The following BID variants were observed in gnomAD, a reference collection of about 807,000 sequenced individuals.
BID encodes the protein BH3-interacting domain death agonist.
Under a neutral mutation model 17.4 loss-of-function variants are expected in BID, and 19 were observed. The ratio of observed to expected loss-of-function variants is 1.09; its 90% confidence interval spans 0.76 to 1.60. The LOEUF (loss-of-function observed/expected upper bound fraction) is 1.60. BID is among the 40% of genes most tolerant of loss of function. The pLI is 0.00. For synonymous variants in BID, 108 were observed against 102.8 expected, an observed-to-expected ratio of 1.05 and a Z score of -0.31; for missense variants, 226 against 256.0, an observed-to-expected ratio of 0.88 and a Z score of 0.80.
chr22:17,752,989 T>C (rs1272152782), intron 1 of BID, among the ~76,000 whole-genome samples: 14 of 67,528 alleles, frequency 2.1e-4, no homozygotes, highest in East Asian at 1.8e-3. Flanking sequence ...TTTTTTGAGA[T>C]GGAGTCTCGC....
At chr22:17,760,636 C>T (rs1031984765) in intron 1 of BID, among the ~76,000 whole-genome samples, 9 of 152,164 alleles carry the variant, frequency 5.9e-5, no homozygotes, top group African/African-American at 1.7e-4. Context: ...AGCAGCCCGT[C>T]GCACTCTGCA....
chr22:17,756,502 C>CTT (rs2061591577), intron 1 of BID, among the ~76,000 whole-genome samples: 3 of 138,994 alleles, frequency 2.2e-5, no homozygotes, highest in Middle Eastern at 3.3e-3. Flanking sequence ...CTTTCTCTCT[C>CTT]TCTTTCTGTC....
intron 1 of BID, among the ~76,000 whole-genome samples, chr22:17,768,882 A>G (rs1484005595): frequency 6.7e-6 from 1 of 149,142 alleles, no homozygotes; most frequent in Non-Finnish European, 1.5e-5. Context: ...CAAAAAAAAA[A>G]AAAAAAAAAA....
chr22:17,750,451 CG>C (rs1322051688), intron 1 of BID, among the ~76,000 whole-genome samples: 7 of 152,348 alleles, frequency 4.6e-5, no homozygotes, highest in East Asian at 3.9e-4. Context: ...ATCAGGGAAA[CG>C]GGGCCGTGGG....
chr22:17,742,000 A>C (rs1202289061), intron 3 of BID, among the ~76,000 whole-genome samples: 1 of 151,900 alleles, frequency 6.6e-6, no homozygotes, highest in African/African-American at 2.4e-5. Flanking sequence ...AAGCTTATCC[A>C]CCTTGCTTCA....
rs543299698 is a variant in BID at position 17,749,182 on chromosome 22, A to G, written c.12+923T>C. ...GCGCCCAGAGGCTGCAGAATTCGGC[A>G]GGAGGGAGGGGAGGAGGATGTGATG... On this transcript the variant is annotated intron_variant, in intron 2 of 5. Transcript: ENST00000622694. Among the ~76,000 whole-genome samples, 5 of 152,284 alleles carry G rather than the reference A, an allele frequency of 3.3e-5. No individual in the cohort carries two copies. In the East Asian group the frequency reaches 9.6e-4, roughly 29 times the overall value.
rs544535628 is a variant in BID, at chr22:17,757,717, A to G, written c.-58-7543T>C. The stretch of plus-strand genomic sequence containing the variant: ...GAGCGAGACTCCGTCTCAAAAAAAA[A>G]AAAAAAAGAAAAAAAGAAAGCAATT... On this transcript the variant is annotated intron_variant, in intron 1 of 5. Transcript: ENST00000622694. Among the ~76,000 whole-genome samples the G allele has an allele frequency of 4.7e-3, 714 of 152,016 alleles. 4 individuals are homozygous for G. The highest frequency in any genetic ancestry group is 0.016 in the South Asian group (78 of 4,816).
chr22:17,745,915 G>A (rs907680970), intron 2 of BID, among the ~76,000 whole-genome samples: 1 of 152,000 alleles, frequency 6.6e-6, no homozygotes, highest in Non-Finnish European at 1.5e-5. Context: ...GCAATGAGCC[G>A]AGATCGCGCC....
intron 4 of BID, among the ~76,000 whole-genome samples, chr22:17,738,886 T>C (rs1162664105): frequency 1.3e-5 from 2 of 152,168 alleles, no homozygotes; most frequent in Non-Finnish European, 2.9e-5. Context: ...TTCCGCTAAG[T>C]GTTCTGGGGA....
Position 17,769,444 on chromosome 22 carries a change from C to G in BID, c.-59+4937G>C, listed in dbSNP as rs370145496. Among the ~76,000 whole-genome samples, 3 of 152,216 alleles carry G rather than the reference C, an allele frequency of 2.0e-5. No individual in the cohort carries two copies. The highest frequency in any genetic ancestry group is 7.2e-5 in the African/African-American group (3 of 41,458). On this transcript the variant is annotated intron_variant, in intron 1 of 5. Coordinates refer to ENST00000622694, the MANE Select transcript of BID (RefSeq NM_001196.4). The surrounding 1 kb of genome is among the most constrained non-coding windows in gnomAD (Gnocchi z 4.8). ...GGGCCAGGTTTCTCACAGCCAGGCC[C>G]CATCTCTCCCTGCCTGGATTTCAGG...
intron 2 of BID, 36 bp downstream of exon 2, chr22:17,750,069 C>T: frequency 3.7e-6 from 6 of 1,606,438 alleles, no homozygotes; most frequent in Non-Finnish European, 5.1e-6. Context: ...CGACCCCGCC[C>T]CCCACAAGGC....
chr22:17,736,787 C>T (rs570989028), intron 5 of BID, among the ~76,000 whole-genome samples: 3 of 152,062 alleles, frequency 2.0e-5, no homozygotes, highest in Admixed American at 6.5e-5. Context: ...GAACTACAGG[C>T]GTACGCCACC....
intron 3 of BID, among the ~76,000 whole-genome samples, chr22:17,743,574 G>T (rs1451712932): frequency 6.6e-6 from 1 of 152,340 alleles, no homozygotes; most frequent in East Asian, 1.9e-4. Flanking sequence ...CAACAGAAAG[G>T]AAGAACTTTC....
At chr22:17,762,534 C>CA (rs1201378040) in intron 1 of BID, among the ~76,000 whole-genome samples, 1 of 151,972 alleles carries the variant, frequency 6.6e-6, no homozygotes, top group Non-Finnish European at 1.5e-5. Context: ...AACAATTTCA[C>CA]AAATTTCAAA....
intron 1 of BID, among the ~76,000 whole-genome samples, chr22:17,759,483 C>T (rs180712130): frequency 1.3e-5 from 2 of 151,878 alleles, no homozygotes; most frequent in Non-Finnish European, 2.9e-5. Context: ...ACCCAGGAGG[C>T]GGAGGTTGCA....
chr22:17,737,880 C>T (rs2061430839), intron 5 of BID, 137 bp downstream of exon 5: 1 of 934,418 alleles, frequency 1.1e-6, no homozygotes, highest in Admixed American at 2.2e-5. Flanking sequence ...CTCACAACAG[C>T]AAAACCAAAC....
chr22:17,751,394 G>T (rs1601854152), intron 1 of BID, among the ~76,000 whole-genome samples: 1 of 150,080 alleles, frequency 6.7e-6, no homozygotes, highest in East Asian at 1.9e-4. Context: ...AAAAAAAAAA[G>T]ACTGAACACA....
At chr22:17,739,018 C>T (rs922295582) in intron 4 of BID, among the ~76,000 whole-genome samples, 2 of 152,192 alleles carry the variant, frequency 1.3e-5, no homozygotes, top group Non-Finnish European at 2.9e-5. Flanking sequence ...CCAGGGCTTA[C>T]GGTTCTCACT....
At chr22:17,763,263 A>G (rs1396798399) in intron 1 of BID, among the ~76,000 whole-genome samples, 2 of 136,110 alleles carry the variant, frequency 1.5e-5, no homozygotes, top group Admixed American at 1.5e-4. Context: ...TTTTTTTTTG[A>G]GACATAGTCT....
Sources: allele counts gnomAD v4.1 joint callset (sites outside exome capture counted in the v4.1 genomes callset), GRCh38; gene constraint gnomAD v4.1.1; non-coding constraint Gnocchi (gnomAD v3.1); transcripts MANE v1.5; gene names NCBI Gene and HGNC (gene_info 2026-07-23, HGNC 2026-07-21).